The following MOXD1 variants were observed in gnomAD, a reference collection of about 807,000 sequenced individuals.
MOXD1 encodes monooxygenase DBH like 1.
Under a neutral mutation model 66.6 loss-of-function variants are expected in MOXD1, and 62 were observed. The ratio of observed to expected loss-of-function variants is 0.93; its 90% CI spans 0.76 to 1.15. The LOEUF (loss-of-function observed/expected upper bound fraction) is 1.15. Ranked by LOEUF, MOXD1 falls within the 50% of genes most tolerant of loss-of-function variation. The probability of loss-of-function intolerance (pLI) is 0.00; values close to 1 mark genes in which losing one functional copy is unlikely to be tolerated. For missense variants in MOXD1, 847 were observed against 754.6 expected, an observed-to-expected ratio of 1.12 and a Z score of -1.44; for synonymous variants, 303 against 281.9, an observed-to-expected ratio of 1.07 and a Z score of -0.75.
At chr6:132,364,273 C>A (rs1776072477) in intron 4 of MOXD1, among the ~76,000 whole-genome samples, 1 of 152,008 alleles carries the variant, frequency 6.6e-6, no homozygotes, top group South Asian at 2.1e-4. Flanking sequence ...CCCAGGGAAT[C>A]TTTTCTTCAA....
At chr6:132,332,193 C>A (rs1775335298) in intron 4 of MOXD1, among the ~76,000 whole-genome samples, 2 of 152,204 alleles carry the variant, frequency 1.3e-5, no homozygotes, top group Non-Finnish European at 2.9e-5. Flanking sequence ...AAGAATTAAA[C>A]TGTAATCTGA....
At chr6:132,330,463 C>G (rs1229610247) in intron 4 of MOXD1, among the ~76,000 whole-genome samples, 1 of 152,204 alleles carries the variant, frequency 6.6e-6, no homozygotes, top group Non-Finnish European at 1.5e-5. Context: ...CCATCTCCCC[C>G]ATCCTCCAGT....
chr6:132,309,824 C>T (rs1343664427), intron 10 of MOXD1, among the ~76,000 whole-genome samples: 1 of 152,194 alleles, frequency 6.6e-6, no homozygotes, highest in African/African-American at 2.4e-5. Context: ...AACTGAACCC[C>T]TTCCTTACAC....
At chr6:132,353,508 T>A (rs184185747) in intron 4 of MOXD1, among the ~76,000 whole-genome samples, 20 of 152,352 alleles carry the variant, frequency 1.3e-4, no homozygotes, top group African/African-American at 4.8e-4. Flanking sequence ...TTCTCGCTTG[T>A]AGGGTTTCTG....
At chr6:132,315,808 T>C (rs1342294361) in intron 9 of MOXD1, 31 bp from the exon 10 acceptor site, 1 of 1,608,234 alleles carries the variant, frequency 6.2e-7, no homozygotes, top group South Asian at 1.1e-5. Flanking sequence ...TAGCAAAGTA[T>C]GTGTTCTACC....
intron 4 of MOXD1, among the ~76,000 whole-genome samples, chr6:132,332,063 C>G (rs994233463): frequency 6.6e-6 from 1 of 152,216 alleles, no homozygotes; most frequent in Non-Finnish European, 1.5e-5. Context: ...CCCTGCCACT[C>G]CAGTCCCAGT....
chr6:132,324,634 G>A (rs975269101), intron 6 of MOXD1, among the ~76,000 whole-genome samples: 16 of 152,102 alleles, frequency 1.1e-4, no homozygotes, highest in African/African-American at 3.9e-4. Context: ...TCAACACACA[G>A]TCATTAAGAA....
At position 132,297,207 on chromosome 6, in the gene MOXD1, G is replaced by A; in HGVS notation, c.1788C>T (p.Asn596=). 1 of 1,613,650 alleles carries A rather than the reference G, an allele frequency of 6.2e-7. No individual in the cohort carries two copies. Among genetic ancestry groups the A allele is most frequent in the Non-Finnish European group, 8.5e-7 (1 of 1,179,696 alleles). The change falls in exon 12 of 12, where the codon AAC becomes AAT. Residue 596 remains asparagine (N), a synonymous_variant. Transcript: ENST00000367963. ...SSSLHRDFSI[N]LLVCLLLLSC... ...TGAGTAGCAGAAGGCAAACAAGCAA[G>A]TTGATGGAGAAATCTCTGTGCAGGG...
chr6:132,298,064 T>C, intron 10 of MOXD1, 109 bp from the exon 11 acceptor site: 1 of 885,870 alleles, frequency 1.1e-6, no homozygotes, highest in Non-Finnish European at 1.6e-6. Context: ...TTCATACACA[T>C]AGATAACCTA....
At chr6:132,349,608 A>G (rs1775762775) in intron 4 of MOXD1, among the ~76,000 whole-genome samples, 1 of 151,190 alleles carries the variant, frequency 6.6e-6, no homozygotes, top group Non-Finnish European at 1.5e-5. Context: ...TTTTTCATAT[A>G]ATGACTTACT....
At chr6:132,329,054 T>G (rs1775254718) in intron 4 of MOXD1, among the ~76,000 whole-genome samples, 1 of 152,098 alleles carries the variant, frequency 6.6e-6, no homozygotes, top group African/African-American at 2.4e-5. Flanking sequence ...CATGTTGGTT[T>G]GCTGCACCCA....
chr6:132,308,476 T>C (rs1774747495), intron 10 of MOXD1, among the ~76,000 whole-genome samples: 2 of 152,180 alleles, frequency 1.3e-5, no homozygotes, highest in Non-Finnish European at 1.5e-5. Flanking sequence ...TCTGAAACTA[T>C]TCCAAATAAT....
chr6:132,329,745 C>A lies in MOXD1; in HGVS notation c.664-1151G>T, dbSNP rs1037988698. ...ATGAGGATTTCCTAAGAAAAAAAAT[C>A]CACCCATGAAACAACAAGGAAACTT... is the stretch of plus-strand genomic sequence containing the variant. On this transcript the variant is annotated intron_variant, in intron 4 of 11. Coordinates refer to ENST00000367963, the MANE Select transcript of MOXD1 (RefSeq NM_015529.4). 2.0e-5 allele frequency among the ~76,000 whole-genome samples: 3 copies of A among 151,914 alleles called. No homozygotes were observed. The South Asian group carries it at 6.2e-4, about 31-fold the overall frequency.
chr6:132,393,469 G>A (rs995330921), intron 1 of MOXD1, among the ~76,000 whole-genome samples: 2 of 152,230 alleles, frequency 1.3e-5, no homozygotes, highest in Non-Finnish European at 2.9e-5. Flanking sequence ...TGGGAGCCCG[G>A]AGAGGCTCCT....
chr6:132,312,903 A>G (rs893305392), intron 10 of MOXD1, among the ~76,000 whole-genome samples: 7 of 152,106 alleles, frequency 4.6e-5, no homozygotes, highest in Non-Finnish European at 1.0e-4. Flanking sequence ...CAAATTAACC[A>G]TCGATTAGAA....
intron 4 of MOXD1, among the ~76,000 whole-genome samples, chr6:132,351,220 G>T (rs1198732264): frequency 6.6e-6 from 1 of 152,146 alleles, no homozygotes; most frequent in Non-Finnish European, 1.5e-5. Context: ...TCTTGTTCCA[G>T]TTCTCAGAGG....
At chr6:132,378,914 T>G (rs1270292137) in intron 1 of MOXD1, among the ~76,000 whole-genome samples, 1 of 115,938 alleles carries the variant, frequency 8.6e-6, no homozygotes, top group Admixed American at 1.0e-4. Context: ...TTTTTTTTTT[T>G]GCGACAGAGT....
chr6:132,328,113 G>A lies in MOXD1; in HGVS notation c.846C>T (p.Gly282=), dbSNP rs1284507099. The A allele has an allele frequency of 2.5e-6, 4 of 1,611,828 alleles. No homozygotes were observed. Among genetic ancestry groups the A allele is most frequent in the Non-Finnish European group, 3.4e-6 (4 of 1,178,158 alleles). The change falls in exon 6 of 12, where the codon GGC becomes GGT. Residue 282 remains glycine (G), a splice_region_variant and synonymous_variant. Coordinates refer to ENST00000367963, the MANE Select transcript of MOXD1 (RefSeq NM_015529.4). ...ATCCAACATGAGGTGGATAAGAAAA[G>A]CCCTAAATATGGAAAATGCCATGAG... ...VIFAWAIGGE[G]FSYPPHVGLS... is the part of the protein sequence containing the mutation.
intron 1 of MOXD1, among the ~76,000 whole-genome samples, chr6:132,387,329 T>C (rs1231000582): frequency 2.6e-5 from 4 of 151,476 alleles, no homozygotes; most frequent in Middle Eastern, 3.2e-3. Context: ...GCACAGATCA[T>C]TTTTTAACAG....
Sources: allele counts gnomAD v4.1 joint callset (sites outside exome capture counted in the v4.1 genomes callset), GRCh38; gene constraint gnomAD v4.1.1; transcripts MANE v1.5; gene names NCBI Gene and HGNC (gene_info 2026-07-23, HGNC 2026-07-21).